Variants in ART1 observed in about 807,000 individuals in gnomAD.
ART1 encodes the protein GPI-linked NAD(P)(+)--arginine ADP-ribosyltransferase 1.
In ART1, 29 loss-of-function variants were observed where a neutral mutation model predicts 27.0. That is an observed-to-expected ratio of 1.08 (90% CI 0.80 to 1.47). ART1 has a LOEUF of 1.47. Among genes scored for constraint, ART1 ranks in the 40% most tolerant of loss-of-function variants. ART1 has a pLI of 0.00. For synonymous variants in ART1, 201 were observed against 172.2 expected, an observed-to-expected ratio of 1.17 and a Z score of -1.31; for missense variants, 480 against 423.0, an observed-to-expected ratio of 1.13 and a Z score of -1.18.
Position 3,660,182 on chromosome 11 carries a change from C to T in ART1, c.663C>T (p.Ile221=). Residue 221 remains isoleucine, a synonymous_variant, in exon 3 of 5, where the codon ATC becomes ATT. Coordinates refer to ENST00000250693, the MANE Select transcript of ART1 (RefSeq NM_004314.3). Reference sequence around the variant, plus strand: ...TTGGTGAGGACACCTTCTTCGGCATCTGGACCTGCCTTGGGGCCCCTATCA... The same window carrying T: ...TTGGTGAGGACACCTTCTTCGGCATTTGGACCTGCCTTGGGGCCCCTATCA... ...QQFGEDTFFG[I]WTCLGAPIKG... The T allele has an allele frequency of 6.2e-7, 1 of 1,614,098 alleles. No homozygotes were observed. Among genetic ancestry groups the T allele is most frequent in the Non-Finnish European group, 8.5e-7 (1 of 1,180,052 alleles).
chr11:3,659,828 A>C lies in ART1; in HGVS notation c.309A>C (p.Pro103=), dbSNP rs763866751. 6.2e-7 allele frequency: 1 copy of C among 1,612,092 alleles called. No individual in the cohort carries two copies. The highest frequency in any genetic ancestry group is 1.1e-5 in the South Asian group (1 of 90,948). Residue 103 remains proline (P), a synonymous_variant, in exon 3 of 5, where the codon CCA becomes CCC. Transcript: ENST00000250693. Reference sequence around the variant, plus strand: ...AGTGGAGTCTCAGCCCCACCCGTCCATCCCCGCCACCCCTGGGCTTCCGCG... The same window carrying C: ...AGTGGAGTCTCAGCCCCACCCGTCCCTCCCCGCCACCCCTGGGCTTCCGCG... ...WPEWSLSPTR[P]SPPPLGFRDE... is the part of the protein sequence containing the mutation.
At chr11:3,656,099 ATT>A (rs1264145603) in intron 1 of ART1, among the ~76,000 whole-genome samples, 2 of 151,822 alleles carry the variant, frequency 1.3e-5, no homozygotes, top group Non-Finnish European at 2.9e-5. Flanking sequence ...CGCCCAGCTA[ATT>A]TTTTGTAATT....
intron 4 of ART1, 29 bp from the exon 5 acceptor site, chr11:3,664,063 C>A: frequency 6.2e-7 from 1 of 1,610,304 alleles, no homozygotes. Flanking sequence ...CTCTCTCTCC[C>A]CCAACCTCTC....
intron 1 of ART1, among the ~76,000 whole-genome samples, chr11:3,648,173 C>T (rs556215963): frequency 2.0e-5 from 3 of 152,290 alleles, no homozygotes; most frequent in Non-Finnish European, 2.9e-5. Flanking sequence ...TACCCAAATC[C>T]TATAAAACGG....
At position 3,659,205 on chromosome 11, in the gene ART1, G is replaced by T; in HGVS notation, c.-9G>T. On this transcript the variant is annotated 5_prime_UTR_variant, in exon 2 of 5. Coordinates refer to ENST00000250693, the MANE Select transcript of ART1 (RefSeq NM_004314.3). ...AAAAAGAGACAGCAACTGGCCCAGG[G>T]TCACCAGCATGCAGATGCCTGCTAT... The T allele has an allele frequency of 6.2e-7, 1 of 1,614,158 alleles. No individual in the cohort carries two copies. Among genetic ancestry groups the T allele is most frequent in the Non-Finnish European group, 8.5e-7 (1 of 1,180,018 alleles).
intron 1 of ART1, among the ~76,000 whole-genome samples, chr11:3,650,649 C>CT (rs2077513988): frequency 6.6e-6 from 1 of 152,166 alleles, no homozygotes; most frequent in Non-Finnish European, 1.5e-5. Flanking sequence ...AGACAATACT[C>CT]TTTTAAGCAC....
At chr11:3,650,385 A>T (rs973470303) in intron 1 of ART1, among the ~76,000 whole-genome samples, 1 of 152,196 alleles carries the variant, frequency 6.6e-6, no homozygotes, top group African/African-American at 2.4e-5. Flanking sequence ...TCCTTCCCAG[A>T]TCTTCTCGGC....
chr11:3,649,460 T>C (rs1237051365), intron 1 of ART1, among the ~76,000 whole-genome samples: 3 of 152,220 alleles, frequency 2.0e-5, no homozygotes, highest in East Asian at 1.9e-4. Flanking sequence ...CAATGCAACT[T>C]GTCCCAAATC....
intron 1 of ART1, among the ~76,000 whole-genome samples, chr11:3,651,604 G>C (rs7484176): frequency 9.4e-4 from 142 of 150,792 alleles, no homozygotes; most frequent in African/African-American, 3.3e-3. Context: ...TGCTTTAATA[G>C]TTTTAGAGGC....
At chr11:3,658,080 C>A (rs1381272609) in intron 1 of ART1, among the ~76,000 whole-genome samples, 1 of 152,062 alleles carries the variant, frequency 6.6e-6, no homozygotes, top group Non-Finnish European at 1.5e-5. Flanking sequence ...CACCTGTAAT[C>A]CCAACATTTT....
chr11:3,653,793 C>T (rs2077548980), intron 1 of ART1, among the ~76,000 whole-genome samples: 1 of 150,668 alleles, frequency 6.6e-6, no homozygotes, highest in Non-Finnish European at 1.5e-5. Context: ...CCTCCTACCT[C>T]TGTCTATCCT....
chr11:3,653,344 G>A (rs772366162), intron 1 of ART1, among the ~76,000 whole-genome samples: 1 of 148,260 alleles, frequency 6.7e-6, no homozygotes, highest in African/African-American at 2.6e-5. Context: ...AAGTGAAAAT[G>A]GCCGGTTCCT....
At chr11:3,663,102 ATC>A (rs775749634) in intron 4 of ART1, among the ~76,000 whole-genome samples, 67 of 106,130 alleles carry the variant, frequency 6.3e-4, no homozygotes, top group African/African-American at 2.2e-3. Context: ...ATCTCATCTC[ATC>A]TCATCTCATC....
intron 1 of ART1, among the ~76,000 whole-genome samples, chr11:3,656,054 TC>T: frequency 6.6e-6 from 1 of 151,412 alleles, no homozygotes; most frequent in Middle Eastern, 3.4e-3. Context: ...TGCCTCAGCT[TC>T]CCGAGTAGTT....
chr11:3,648,460 C>G (rs2133946602), intron 1 of ART1, among the ~76,000 whole-genome samples: 1 of 152,300 alleles, frequency 6.6e-6, no homozygotes. Context: ...ATCCAGTAAG[C>G]AGACTCTTTT....
At chr11:3,655,535 C>G (rs941438758) in intron 1 of ART1, 3 of 152,162 alleles carry the variant, frequency 2.0e-5, no homozygotes, top group Admixed American at 6.5e-5. Context: ...GCTTCAGAGA[C>G]AGAAAAATGT....
intron 1 of ART1, among the ~76,000 whole-genome samples, chr11:3,653,148 C>A (rs908822582): frequency 1.3e-5 from 2 of 148,398 alleles, no homozygotes; most frequent in Non-Finnish European, 2.9e-5. Context: ...TCTCTCCACA[C>A]CACCCCCAAA....
chr11:3,653,722 T>A (rs1403874456), intron 1 of ART1, among the ~76,000 whole-genome samples: 1 of 152,150 alleles, frequency 6.6e-6, no homozygotes, highest in African/African-American at 2.4e-5. Flanking sequence ...GGTGTCATCC[T>A]TGATTTTTCC....
intron 1 of ART1, among the ~76,000 whole-genome samples, chr11:3,655,252 C>G (rs1041468076): frequency 3.3e-5 from 5 of 152,200 alleles, no homozygotes; most frequent in Admixed American, 1.3e-4. Flanking sequence ...AGCAGACCCA[C>G]AGACAAGTAC....
Sources: allele counts gnomAD v4.1 joint callset (sites outside exome capture counted in the v4.1 genomes callset), GRCh38; gene constraint gnomAD v4.1.1; transcripts MANE v1.5; gene names NCBI Gene and HGNC (gene_info 2026-07-23, HGNC 2026-07-21).